Variants in BCCIP observed in about 807,000 individuals in gnomAD.
BCCIP encodes the protein BRCA2 and CDKN1A interacting protein, also known as BRCA2 and CDKN1A-interacting protein.
A neutral mutation model predicts 32.8 loss-of-function variants in BCCIP; 23 were observed. The ratio of observed to expected loss-of-function variants is 0.70; its 90% confidence interval spans 0.51 to 0.99. The LOEUF (loss-of-function observed/expected upper bound fraction) is 0.99, where lower values mean the gene tolerates loss of function less well. Ranked by LOEUF, BCCIP falls within the 50% of genes least tolerant of loss-of-function variation. BCCIP has a pLI of 0.00. For synonymous variants in BCCIP, 144 were observed against 137.6 expected (o/e 1.05, Z -0.33); for missense variants, 378 against 379.8 (o/e 1.00, Z 0.04).
chr10:125,828,867 C>G (rs567976906), intron 3 of BCCIP, among the ~76,000 whole-genome samples: 98 of 152,306 alleles, frequency 6.4e-4, no homozygotes, highest in Non-Finnish European at 1.0e-3. Flanking sequence ...ATGGCTCACT[C>G]ACATGACTGG....
At chr10:125,837,176 C>CT (rs1332699764), downstream of BCCIP, among the ~76,000 whole-genome samples, 2 of 152,192 alleles carry the variant, frequency 1.3e-5, no homozygotes, top group Non-Finnish European at 2.9e-5. Flanking sequence ...CAATCGTATG[C>CT]TTAAGAGAGC....
chr10:125,824,200 C>T (rs1003110220), intron 1 of BCCIP, among the ~76,000 whole-genome samples: 1 of 152,352 alleles, frequency 6.6e-6, no homozygotes, highest in Middle Eastern at 3.4e-3. Flanking sequence ...TCCCTTCCTT[C>T]TTCAGATCTC....
Position 125,827,634 on chromosome 10 carries a change from T to G in BCCIP, c.317T>G (p.Ile106Ser). The change falls in exon 3 of 7, where the codon ATT becomes AGT. Residue 106 changes from isoleucine (I) to serine (S), a missense_variant. Physicochemically the swap from Ile to Ser is moderately radical, Grantham distance 142. Coordinates refer to ENST00000278100, the MANE Select transcript of BCCIP (RefSeq NM_078468.3). ...CAACAGAACCATATTGGGAGTGTGA[T>G]TAAGGTAAGTAGGATAATTGTGTTT... is the stretch of plus-strand genomic sequence containing the variant. ...LIQQNHIGSV[I>S]KQTDVSEDSN... is the part of the protein sequence containing the mutation. 6.3e-7 allele frequency: 1 copy of G among 1,599,068 alleles called. No individual in the cohort carries two copies. The highest frequency in any genetic ancestry group is 8.6e-7 in the Non-Finnish European group (1 of 1,166,440).
intron 6 of BCCIP, among the ~76,000 whole-genome samples, chr10:125,835,720 T>TA (rs1854662755): frequency 6.6e-6 from 1 of 152,248 alleles, no homozygotes; most frequent in Non-Finnish European, 1.5e-5. Flanking sequence ...AGCCTGATGC[T>TA]AAGGAAGCAG....
At chr10:125,836,061 G>T (rs1321196620) in intron 6 of BCCIP, 43 bp from the exon 7 acceptor site, 2 of 1,538,786 alleles carry the variant, frequency 1.3e-6, no homozygotes, top group Non-Finnish European at 1.8e-6. Context: ...TTTTGTCTTT[G>T]GGTTGTCCCG....
intron 7 of BCCIP, chr10:125,853,100 G>A: frequency 1.3e-6 from 2 of 1,514,426 alleles, no homozygotes; most frequent in Non-Finnish European, 1.8e-6. Flanking sequence ...ACTGCGTATG[G>A]CACTAACAAT....
At chr10:125,840,295 T>C (rs1382517661), downstream of BCCIP, among the ~76,000 whole-genome samples, 1 of 152,196 alleles carries the variant, frequency 6.6e-6, no homozygotes, top group Non-Finnish European at 1.5e-5. Flanking sequence ...CAAAGGACTT[T>C]GTGGCTTTGC....
chr10:125,840,783 G>A, downstream of BCCIP: 9 of 1,485,774 alleles, frequency 6.1e-6, no homozygotes, highest in Non-Finnish European at 7.2e-6. Flanking sequence ...TAACTAATAA[G>A]GACTCAGACT....
intron 2 of BCCIP, among the ~76,000 whole-genome samples, chr10:125,826,964 C>T (rs1426941617): frequency 2.3e-5 from 3 of 132,314 alleles, no homozygotes; most frequent in Non-Finnish European, 4.6e-5. Context: ...CCATTGAGCT[C>T]CAGTCTGGGC....
downstream of BCCIP, chr10:125,838,059 G>T: frequency 1.5e-6 from 1 of 672,022 alleles, no homozygotes; most frequent in Non-Finnish European, 2.4e-6. Flanking sequence ...CATCCACAGA[G>T]GCCTGCCCTT....
chr10:125,842,763 A>G, exon 7 of BCCIP: 1 of 913,096 alleles, frequency 1.1e-6, no homozygotes, highest in Non-Finnish European at 1.3e-6. Context: ...GTAGACAAAG[A>G]TGTTATTTCC....
At chr10:125,830,766 G>A (rs1415010615) in intron 4 of BCCIP, 115 bp downstream of exon 4, 4 of 668,672 alleles carry the variant, frequency 6.0e-6, no homozygotes, top group African/African-American at 5.5e-5. Context: ...ATAGGGATAA[G>A]TGCTCTTGTG....
At chr10:125,827,822 A>T (rs1387161679) in intron 3 of BCCIP, among the ~76,000 whole-genome samples, 184 bp downstream of exon 3, 4 of 152,118 alleles carry the variant, frequency 2.6e-5, no homozygotes, top group Non-Finnish European at 4.4e-5. Flanking sequence ...ATAACAAAAA[A>T]TTAGCCGGGC....
intron 7 of BCCIP, chr10:125,852,322 A>C: frequency 6.2e-7 from 1 of 1,614,214 alleles, no homozygotes. Context: ...ACAGTGGCCT[A>C]GGCCCGCAAT....
chr10:125,835,101 C>T (rs1348165093), intron 6 of BCCIP, among the ~76,000 whole-genome samples: 1 of 151,644 alleles, frequency 6.6e-6, no homozygotes, highest in Non-Finnish European at 1.5e-5. Flanking sequence ...CCACTGCACT[C>T]CAGCCTGGGC....
chr10:125,842,418 G>A (rs1854907015), exon 7 of BCCIP: 1 of 153,126 alleles, frequency 6.5e-6, no homozygotes, highest in Non-Finnish European at 1.5e-5. Flanking sequence ...AGAAGGAACA[G>A]TGGTGCTGAC....
chr10:125,823,972 A>G (rs1854270312), intron 1 of BCCIP, among the ~76,000 whole-genome samples: 1 of 152,146 alleles, frequency 6.6e-6, no homozygotes, highest in South Asian at 2.1e-4. Flanking sequence ...CCGCCACAAC[A>G]GGTGTGTTCT....
intron 1 of BCCIP, chr10:125,826,359 A>G (rs1854388738): frequency 6.9e-6 from 4 of 576,702 alleles, no homozygotes; most frequent in South Asian, 2.2e-5. Context: ...AATCAGGAAA[A>G]TAATTTATCC....
downstream of BCCIP, among the ~76,000 whole-genome samples, chr10:125,840,198 C>G (rs1182469623): frequency 2.6e-5 from 4 of 152,224 alleles, no homozygotes; most frequent in Non-Finnish European, 4.4e-5. Context: ...TTGCCCCCTC[C>G]TCTTGTTTCT....
Sources: allele counts gnomAD v4.1 joint callset (sites outside exome capture counted in the v4.1 genomes callset), GRCh38; gene constraint gnomAD v4.1.1; transcripts MANE v1.5; gene names NCBI Gene and HGNC (gene_info 2026-07-23, HGNC 2026-07-21).